Variants in GAREM1 observed in about 807,000 individuals in gnomAD.
GAREM1 encodes GRB2 associated regulator of MAPK1 subtype 1, also known as GRB2-associated and regulator of MAPK protein 1.
GAREM1 carries 26 observed loss-of-function variants against 71.3 expected under a neutral mutation model. The ratio of observed to expected loss-of-function variants is 0.36; its 90% CI spans 0.27 to 0.51. GAREM1 has a LOEUF of 0.51. GAREM1 is among the 20% of genes least tolerant of loss of function. The pLI, the probability that GAREM1 is intolerant of heterozygous loss-of-function variation, is 0.95. For synonymous variants in GAREM1, 440 were observed against 433.2 expected, an observed-to-expected ratio of 1.02 and a Z score of -0.20; for missense variants, 1,026 against 1,103.1, an observed-to-expected ratio of 0.93 and a Z score of 0.99.
chr18:32,271,399 G>A (rs1293585404), intron 4 of GAREM1, among the ~76,000 whole-genome samples: 3 of 152,072 alleles, frequency 2.0e-5, no homozygotes, highest in Non-Finnish European at 4.4e-5. Context: ...GACGATGTTG[G>A]CCAGGCTGGT....
chr18:32,458,850 A>C (rs902631667), intron 1 of GAREM1, among the ~76,000 whole-genome samples: 1 of 152,134 alleles, frequency 6.6e-6, no homozygotes, highest in Non-Finnish European at 1.5e-5. Flanking sequence ...TGAAGGTAGA[A>C]TCTTTCCTGG....
At chr18:32,362,625 G>T (rs1347240320) in intron 2 of GAREM1, among the ~76,000 whole-genome samples, 3 of 152,122 alleles carry the variant, frequency 2.0e-5, no homozygotes, top group Non-Finnish European at 4.4e-5. Flanking sequence ...TGACTAAGCT[G>T]GTGTTTACTG....
At chr18:32,370,889 T>C (rs747136365) in intron 2 of GAREM1, among the ~76,000 whole-genome samples, 1 of 152,160 alleles carries the variant, frequency 6.6e-6, no homozygotes, top group Non-Finnish European at 1.5e-5. Context: ...CCAAACTACA[T>C]AGACACATCA....
intron 1 of GAREM1, among the ~76,000 whole-genome samples, chr18:32,398,455 A>C (rs2144667223): frequency 6.6e-6 from 1 of 152,338 alleles, no homozygotes; most frequent in Non-Finnish European, 1.5e-5. Context: ...GAAGAATCAA[A>C]TAGACGCAAT....
Position 32,449,692 on chromosome 18 carries a change from G to A in GAREM1, c.121+20616C>T, listed in dbSNP as rs146399168. 7.2e-5 allele frequency among the ~76,000 whole-genome samples: 11 copies of A among 152,206 alleles called. No homozygotes were observed. The East Asian group carries it at 7.7e-4, about 11-fold the overall frequency. ...AAACAAAGGGTTGGGGGGCAGGCACGGTAGAAGTTTAATAAATATTCTTTC... is the reference window on the plus strand; with the variant it reads ...AAACAAAGGGTTGGGGGGCAGGCACAGTAGAAGTTTAATAAATATTCTTTC... On this transcript the variant is annotated intron_variant, in intron 1 of 5. Coordinates refer to ENST00000269209, the MANE Select transcript of GAREM1 (RefSeq NM_001242409.2).
At chr18:32,417,698 T>C (rs1187689452) in intron 1 of GAREM1, among the ~76,000 whole-genome samples, 2 of 151,564 alleles carry the variant, frequency 1.3e-5, no homozygotes, top group Non-Finnish European at 2.9e-5. Flanking sequence ...AGACAGCACA[T>C]AGAAGCATGG....
At chr18:32,452,430 C>T (rs765724885) in intron 1 of GAREM1, among the ~76,000 whole-genome samples, 1 of 152,146 alleles carries the variant, frequency 6.6e-6, no homozygotes, top group Non-Finnish European at 1.5e-5. Flanking sequence ...GCGTTCCAAA[C>T]CTTTGTCAGG....
chr18:32,300,251 G>A (rs1443540750), intron 3 of GAREM1, among the ~76,000 whole-genome samples: 1 of 152,106 alleles, frequency 6.6e-6, no homozygotes, highest in East Asian at 1.9e-4. Context: ...AAAAATCACA[G>A]GAAAAGATGG....
intron 2 of GAREM1, among the ~76,000 whole-genome samples, chr18:32,384,339 A>G (rs1453092908): frequency 6.6e-6 from 1 of 152,226 alleles, no homozygotes; most frequent in African/African-American, 2.4e-5. Context: ...TCACCCCTAG[A>G]AAAATTAATT....
rs751367493 is a variant in GAREM1 at position 32,364,009 on chromosome 18, T to TATAC, written c.262+28885_262+28886insGTAT. Reference sequence around the variant, plus strand: ...ATACATATATACATATATATATATATATATATATATATATATATGTTTTTT... The same window carrying TATAC: ...ATACATATATACATATATATATATATATACATATATATATATATATATGTTTTTT... On this transcript the variant is annotated intron_variant, in intron 2 of 5. Transcript: ENST00000269209. Among the ~76,000 whole-genome samples, 166 of 50,534 alleles carry TATAC rather than the reference T, an allele frequency of 3.3e-3. 1 individual carries two copies. The highest frequency in any genetic ancestry group is 4.4e-3 in the Non-Finnish European group (122 of 27,438). The allele number at this position is 50,534 out of a possible 152,430, so 33.2% of individuals were successfully genotyped here. A position where few individuals can be genotyped will look rare whatever the true frequency, so the allele number is the denominator to read the frequency against.
intron 1 of GAREM1, among the ~76,000 whole-genome samples, chr18:32,431,079 T>C (rs530492463): frequency 1.3e-5 from 2 of 152,290 alleles, no homozygotes; most frequent in South Asian, 2.1e-4. Context: ...GCTTTAAGAA[T>C]TGAACTGCAG....
intron 1 of GAREM1, among the ~76,000 whole-genome samples, chr18:32,449,461 T>G (rs1270053410): frequency 6.6e-6 from 1 of 152,114 alleles, no homozygotes; most frequent in Non-Finnish European, 1.5e-5. Context: ...CCGAGGCAAG[T>G]GGATCGCTTG....
chr18:32,364,028 G>GTTTTTTTTTTTTTTGT (rs2047903499), intron 2 of GAREM1, among the ~76,000 whole-genome samples: 2 of 21,674 alleles, frequency 9.2e-5, no homozygotes. Context: ...ATATATATAT[G>GTTTTTTTTTTTTTTGT]TTTTTTTTTT....
chr18:32,303,034 C>T (rs2047215787), intron 3 of GAREM1, among the ~76,000 whole-genome samples: 1 of 152,160 alleles, frequency 6.6e-6, no homozygotes, highest in African/African-American at 2.4e-5. Flanking sequence ...CTGAAGAGGT[C>T]TAGGCAGGCA....
chr18:32,435,994 C>CT, intron 1 of GAREM1, among the ~76,000 whole-genome samples: 1 of 152,306 alleles, frequency 6.6e-6, no homozygotes, highest in East Asian at 1.9e-4. Flanking sequence ...TTCAAAGTCT[C>CT]TTTCTCTATA....
chr18:32,443,329 T>G (rs1455791622), intron 1 of GAREM1, among the ~76,000 whole-genome samples: 2 of 152,110 alleles, frequency 1.3e-5, no homozygotes, highest in Non-Finnish European at 2.9e-5. Context: ...CTTCAAAGGA[T>G]ACCATCAAGA....
intron 1 of GAREM1, among the ~76,000 whole-genome samples, chr18:32,396,155 C>T (rs1453666119): frequency 6.6e-6 from 1 of 152,120 alleles, no homozygotes; most frequent in East Asian, 1.9e-4. Flanking sequence ...CACCAAAACG[C>T]CATCTGTATG....
chr18:32,363,779 T>C (rs1277678696), intron 2 of GAREM1, among the ~76,000 whole-genome samples: 3 of 151,544 alleles, frequency 2.0e-5, no homozygotes, highest in East Asian at 3.9e-4. Context: ...AAAGGTTATT[T>C]TGAAGAGGCT....
intron 1 of GAREM1, among the ~76,000 whole-genome samples, chr18:32,396,102 C>T (rs1162366203): frequency 3.3e-5 from 5 of 152,162 alleles, no homozygotes; most frequent in African/African-American, 4.8e-5. Flanking sequence ...AGCTGAGGGT[C>T]GTGACTGTTA....
Sources: allele counts gnomAD v4.1 joint callset (sites outside exome capture counted in the v4.1 genomes callset), GRCh38; gene constraint gnomAD v4.1.1; transcripts MANE v1.5; gene names NCBI Gene and HGNC (gene_info 2026-07-23, HGNC 2026-07-21).